HERC5: variants seen among roughly 807,000 people sequenced by gnomAD.
The protein encoded by HERC5 is HECT and RLD domain containing E3 ubiquitin protein ligase 5.
A neutral mutation model predicts 119.6 loss-of-function variants in HERC5; 99 were observed. That is an observed-to-expected ratio of 0.83 (90% confidence interval 0.70 to 0.98). The LOEUF is 0.98. Ranked by LOEUF, HERC5 falls within the 50% of genes least tolerant of loss-of-function variation. The probability of loss-of-function intolerance (pLI) is 0.00; values close to 1 mark genes in which losing one functional copy is unlikely to be tolerated. For synonymous variants in HERC5, 478 were observed against 445.9 expected (o/e 1.07, Z -0.91); for missense variants, 1,267 against 1,241.3 (o/e 1.02, Z -0.31).
chr4:88,491,233 C>G lies in HERC5; in HGVS notation c.2134-1779C>G, dbSNP rs114278656. ...CCAAGAGGAATGGAAGAGGCAGCAT[C>G]TAAATAAATAAACTGGTAAGAGGAG... is the stretch of plus-strand genomic sequence containing the variant. On this transcript the variant is annotated intron_variant, in intron 16 of 22. Transcript: ENST00000264350. 3.7e-3 allele frequency among the ~76,000 whole-genome samples: 564 copies of G among 152,166 alleles called. 1 individual carries two copies. Among genetic ancestry groups the G allele is most frequent in the African/African-American group, 0.013 (532 of 41,508 alleles).
Position 88,476,000 on chromosome 4 carries a change from A to G in HERC5, c.1552A>G (p.Lys518Glu), listed in dbSNP as rs1390028615. 2.5e-6 allele frequency: 4 copies of G among 1,613,970 alleles called. No individual in the cohort carries two copies. Among genetic ancestry groups the G allele is most frequent in the Non-Finnish European group, 3.4e-6 (4 of 1,179,968 alleles). ...GGTTCCATTTGCAAAGGTTGTTTGT[A>G]AAATGAGTGACCAGTCTTCACTGGT... is the stretch of plus-strand genomic sequence containing the variant. ...LVVPFAKVVCKMSDQSSLVLE... is the reference protein window; with the variant it reads ...LVVPFAKVVCEMSDQSSLVLE... Residue 518 changes from lysine to glutamate, a missense_variant, in exon 12 of 23, where the codon AAA becomes GAA. By Grantham distance (56) the Lys-to-Glu change is moderately conservative (BLOSUM62 1). Coordinates refer to ENST00000264350, the MANE Select transcript of HERC5 (RefSeq NM_016323.4).
chr4:88,462,747 A>T (rs189134365), intron 4 of HERC5, among the ~76,000 whole-genome samples: 288 of 152,352 alleles, frequency 1.9e-3, no homozygotes, highest in Middle Eastern at 3.4e-3. Flanking sequence ...AAAGTCTGTT[A>T]GTGTATTATT....
intron 18 of HERC5, among the ~76,000 whole-genome samples, chr4:88,499,538 C>G (rs936196128): frequency 6.6e-6 from 1 of 152,110 alleles, no homozygotes; most frequent in African/African-American, 2.4e-5. Flanking sequence ...TTACTGATAC[C>G]TGAAATTTAA....
In HERC5 at chr4:88,463,869, T is replaced by A. The variant is rs1435615779; in HGVS notation, c.795T>A (p.Phe265Leu). ...CCTTTCCTTAGGATGGGCTGCTGTT[T>A]ACTTTCGGTGCTGGAAAACATGGGC... is the stretch of plus-strand genomic sequence containing the variant. Reference protein sequence around the residue: ...SALLTQDGLLFTFGAGKHGQL... With the variant: ...SALLTQDGLLLTFGAGKHGQL... Residue 265 changes from phenylalanine (F) to leucine (L), a missense_variant, in exon 6 of 23, where the codon TTT becomes TTA. Physicochemically the swap from Phe to Leu is conservative, Grantham distance 22. Coordinates refer to ENST00000264350, the MANE Select transcript of HERC5 (RefSeq NM_016323.4). The A allele has an allele frequency of 1.2e-6, 2 of 1,614,088 alleles. No homozygotes were observed. Among genetic ancestry groups the A allele is most frequent in the Non-Finnish European group, 1.7e-6 (2 of 1,180,014 alleles).
At chr4:88,463,824 T>C (rs1740539129) in intron 5 of HERC5, 31 bp from the exon 6 acceptor site, 1 of 1,608,610 alleles carries the variant, frequency 6.2e-7, no homozygotes. Context: ...TTTATTTTTC[T>C]AGCATCTGAT....
chr4:88,504,779 C>T (rs1362433925), intron 22 of HERC5, among the ~76,000 whole-genome samples, 182 bp downstream of exon 22: 1 of 152,166 alleles, frequency 6.6e-6, no homozygotes, highest in African/African-American at 2.4e-5. Flanking sequence ...CAATCTTTTC[C>T]CCTGTGATTT....
At chr4:88,498,371 A>T (rs1283301400) in intron 18 of HERC5, among the ~76,000 whole-genome samples, 1 of 152,190 alleles carries the variant, frequency 6.6e-6, no homozygotes, top group Non-Finnish European at 1.5e-5. Flanking sequence ...GCTGCCTGGA[A>T]ACTTAGGAGC....
chr4:88,478,430 G>A (rs1040399524), intron 12 of HERC5, among the ~76,000 whole-genome samples: 2 of 151,980 alleles, frequency 1.3e-5, no homozygotes, highest in African/African-American at 4.8e-5. Context: ...GTGGTTACTA[G>A]TGGATGGGGG....
chr4:88,458,465 G>C (rs1292954830), intron 1 of HERC5, among the ~76,000 whole-genome samples: 1 of 151,884 alleles, frequency 6.6e-6, no homozygotes, highest in Non-Finnish European at 1.5e-5. Flanking sequence ...AGGGGAGCTA[G>C]ATTTATTTGC....
At chr4:88,478,034 T>C (rs1741144370) in intron 12 of HERC5, among the ~76,000 whole-genome samples, 1 of 152,242 alleles carries the variant, frequency 6.6e-6, no homozygotes, top group South Asian at 2.1e-4. Flanking sequence ...TTTCACAAAT[T>C]AATTACATCA....
intron 6 of HERC5, among the ~76,000 whole-genome samples, chr4:88,464,708 C>T (rs1040108868): frequency 6.6e-6 from 1 of 151,922 alleles, no homozygotes; most frequent in African/African-American, 2.4e-5. Context: ...CCCACCTCAG[C>T]CTCTGGAATA....
chr4:88,470,420 T>G (rs115314038), intron 9 of HERC5, among the ~76,000 whole-genome samples, 194 bp from the exon 10 acceptor site: 160 of 152,306 alleles, frequency 1.1e-3, no homozygotes, highest in African/African-American at 3.7e-3. Context: ...CCACTGAAAT[T>G]TTGAGATTTA....
chr4:88,468,505 A>C, intron 8 of HERC5, 83 bp downstream of exon 8: 1 of 892,666 alleles, frequency 1.1e-6, no homozygotes, highest in Non-Finnish European at 1.8e-6. Context: ...GGTGAATTCC[A>C]AAATCATCAG....
At chr4:88,478,772 T>C (rs1373391318) in intron 12 of HERC5, among the ~76,000 whole-genome samples, 1 of 151,978 alleles carries the variant, frequency 6.6e-6, no homozygotes, top group Non-Finnish European at 1.5e-5. Context: ...CACCACGCCC[T>C]GCTAATTTTT....
At chr4:88,459,284 A>C (rs1171062787) in intron 1 of HERC5, 63 bp from the exon 2 acceptor site, 30 of 1,301,642 alleles carry the variant, frequency 2.3e-5, no homozygotes, top group Non-Finnish European at 3.0e-5. Flanking sequence ...ATTATAATGA[A>C]GTTAGTAATA....
chr4:88,470,686 A>T lies in HERC5; in HGVS notation c.1298+13A>T. 1 of 1,186,306 alleles carries T rather than the reference A, an allele frequency of 8.4e-7. No homozygotes were observed. The highest frequency in any genetic ancestry group is 1.2e-6 in the Non-Finnish European group (1 of 803,406). The allele number at this position is 1,186,306 out of a possible 1,614,324, so 73.5% of individuals were successfully genotyped here. A position where few individuals can be genotyped will look rare whatever the true frequency, so the allele number is the denominator to read the frequency against. ...TTTTAAGGAAAAGGTAATATATGTAATAAATTAATTGTATTAAATTGTATT... is the reference window on the plus strand; with the variant it reads ...TTTTAAGGAAAAGGTAATATATGTATTAAATTAATTGTATTAAATTGTATT... On this transcript the variant is annotated intron_variant, in intron 10 of 22. Coordinates refer to ENST00000264350, the MANE Select transcript of HERC5 (RefSeq NM_016323.4).
In HERC5 at chr4:88,500,903, T is replaced by C. The variant is rs1741927478; in HGVS notation, c.2512-12T>C. On this transcript the variant is annotated splice_polypyrimidine_tract_variant and intron_variant, in intron 19 of 22. Transcript: ENST00000264350. ...TGTTGGAGATATTATCTGAGTTCAT[T>C]TGCGGTTACAGGTGCACTGGGACAG... 6.2e-7 allele frequency: 1 copy of C among 1,601,654 alleles called. No homozygotes were observed. Among genetic ancestry groups the C allele is most frequent in the Non-Finnish European group, 8.5e-7 (1 of 1,171,632 alleles).
intron 5 of HERC5, 115 bp downstream of exon 5, chr4:88,463,738 T>C: frequency 7.2e-7 from 1 of 1,392,046 alleles, no homozygotes. Context: ...ACTGTCCTTC[T>C]GATATTTAGG....
At chr4:88,471,260 A>G (rs1315469728) in intron 10 of HERC5, among the ~76,000 whole-genome samples, 2 of 152,030 alleles carry the variant, frequency 1.3e-5, no homozygotes, top group Non-Finnish European at 2.9e-5. Flanking sequence ...GTAAGCCACC[A>G]TGCCCAGCTG....
Sources: gnomAD v4.1 joint callset for allele counts (sites outside exome capture counted in the v4.1 genomes callset) on GRCh38, gnomAD v4.1.1 for gene constraint, MANE v1.5 for transcripts, NCBI Gene and HGNC (gene_info 2026-07-23, HGNC 2026-07-21) for gene names.